The following KLF12 variants were observed in gnomAD, a reference collection of about 807,000 sequenced individuals.
KLF12 encodes the protein KLF transcription factor 12.
A neutral mutation model predicts 37.8 loss-of-function variants in KLF12; 9 were observed. The ratio of observed to expected loss-of-function variants is 0.24; its 90% CI spans 0.14 to 0.42. The LOEUF is 0.42. KLF12 is among the 10% of genes least tolerant of loss of function. KLF12 has a pLI of 1.00. For missense variants in KLF12, 411 were observed against 516.0 expected, an observed-to-expected ratio of 0.80 and a Z score of 1.97; for synonymous variants, 208 against 202.1, an observed-to-expected ratio of 1.03 and a Z score of -0.25.
chr13:74,053,242 T>C (rs1005910533), intron 1 of KLF12, among the ~76,000 whole-genome samples: 4 of 152,212 alleles, frequency 2.6e-5, no homozygotes, highest in African/African-American at 9.7e-5. Context: ...TTGCCATTTA[T>C]GGTGAAAAAC....
intron 4 of KLF12, among the ~76,000 whole-genome samples, chr13:73,836,062 G>A (rs567877300): frequency 6.6e-6 from 1 of 152,034 alleles, no homozygotes; most frequent in Admixed American, 6.6e-5. Context: ...AGGTGAAGCT[G>A]CTTGGTCTTG....
At chr13:73,808,320 G>A (rs1265128274) in intron 5 of KLF12, among the ~76,000 whole-genome samples, 1 of 152,082 alleles carries the variant, frequency 6.6e-6, no homozygotes, top group Non-Finnish European at 1.5e-5. Context: ...CGCAGAGCCC[G>A]ACTGTGGGTC....
intron 1 of KLF12, among the ~76,000 whole-genome samples, chr13:74,048,702 A>T (rs1270603641): frequency 6.6e-6 from 1 of 152,190 alleles, no homozygotes; most frequent in African/African-American, 2.4e-5. Flanking sequence ...AGAAAGGGAA[A>T]CTTAAATGGC....
At chr13:73,893,027 A>AG (rs906902711) in intron 3 of KLF12, among the ~76,000 whole-genome samples, 7 of 139,820 alleles carry the variant, frequency 5.0e-5, no homozygotes, top group Admixed American at 2.1e-4. Context: ...TTTGAAAGAG[A>AG]AAAAAAAAAA....
intron 3 of KLF12, among the ~76,000 whole-genome samples, chr13:73,879,586 G>T (rs1886881814): frequency 6.6e-6 from 1 of 152,152 alleles, no homozygotes; most frequent in South Asian, 2.1e-4. Flanking sequence ...TGAAGACAAG[G>T]GGAGGTATAT....
the KLF12 span, among the ~76,000 whole-genome samples, chr13:74,246,169 C>A: frequency 6.6e-6 from 1 of 152,150 alleles, no homozygotes; most frequent in South Asian, 2.1e-4. Flanking sequence ...AATTTCAGAT[C>A]GGCTTCTGTT....
chr13:74,226,664 AT>A, the KLF12 span, among the ~76,000 whole-genome samples: 1 of 151,748 alleles, frequency 6.6e-6, no homozygotes, highest in Non-Finnish European at 1.5e-5. Context: ...AAAATTGTGA[AT>A]TTTTTTCTCA....
At chr13:73,820,237 T>TC (rs1430524680) in intron 4 of KLF12, among the ~76,000 whole-genome samples, 2 of 152,142 alleles carry the variant, frequency 1.3e-5, no homozygotes, top group East Asian at 3.9e-4. Flanking sequence ...CAACACTAGC[T>TC]TTTTTTCTCC....
chr13:74,203,620 G>A, the KLF12 span, among the ~76,000 whole-genome samples: 1 of 152,118 alleles, frequency 6.6e-6, no homozygotes, highest in Non-Finnish European at 1.5e-5. Flanking sequence ...GCTATGCAAT[G>A]TGAAAATCTG....
intron 1 of KLF12, among the ~76,000 whole-genome samples, chr13:74,056,372 GT>G (rs1186174148): frequency 6.6e-6 from 1 of 152,294 alleles, no homozygotes; most frequent in Admixed American, 6.5e-5. Flanking sequence ...TTCGTTGGTA[GT>G]TTTTTAGGGC....
the KLF12 span, among the ~76,000 whole-genome samples, chr13:74,210,938 G>A: frequency 2.8e-4 from 42 of 150,554 alleles, no homozygotes; most frequent in Middle Eastern, 6.8e-3. Context: ...ACCCAAGTTG[G>A]CCTTGTAACA....
intron 5 of KLF12, among the ~76,000 whole-genome samples, chr13:73,799,271 G>A (rs1030295204): frequency 6.6e-6 from 1 of 152,134 alleles, no homozygotes; most frequent in Non-Finnish European, 1.5e-5. Context: ...TGATGAAAGG[G>A]AGGAGGGAGA....
chr13:74,232,510 A>G, the KLF12 span, among the ~76,000 whole-genome samples: 2 of 152,134 alleles, frequency 1.3e-5, no homozygotes, highest in Non-Finnish European at 2.9e-5. Flanking sequence ...ATCTTTTTCC[A>G]TGCTCTCACA....
intron 2 of KLF12, among the ~76,000 whole-genome samples, chr13:73,979,049 A>C (rs1462466840): frequency 6.6e-6 from 1 of 152,224 alleles, no homozygotes; most frequent in East Asian, 1.9e-4. Context: ...GAGGATTTTC[A>C]TGGCAGTGAA....
chr13:73,709,209 T>C (rs1875179096), intron 7 of KLF12, among the ~76,000 whole-genome samples: 1 of 152,166 alleles, frequency 6.6e-6, no homozygotes, highest in African/African-American at 2.4e-5. Flanking sequence ...TACCTACAAA[T>C]ATGTTTAAGT....
At chr13:73,755,825 G>A (rs1419) in intron 6 of KLF12, among the ~76,000 whole-genome samples, 1 of 151,784 alleles carries the variant, frequency 6.6e-6, no homozygotes, top group South Asian at 2.1e-4. Flanking sequence ...TAGCTTAGCT[G>A]CCACTTATGA....
chr13:74,088,405 T>G (rs1875447602), intron 1 of KLF12, among the ~76,000 whole-genome samples: 1 of 152,068 alleles, frequency 6.6e-6, no homozygotes, highest in East Asian at 1.9e-4. Flanking sequence ...TTTTTATATT[T>G]TTAGTAAAGA....
intron 1 of KLF12, among the ~76,000 whole-genome samples, chr13:74,120,355 G>A (rs1877555122): frequency 6.6e-6 from 1 of 152,102 alleles, no homozygotes; most frequent in Admixed American, 6.5e-5. Context: ...GGTGGCAGGC[G>A]CCTATCAGGA....
chr13:73,818,811 C>T (rs189817103), intron 4 of KLF12, among the ~76,000 whole-genome samples: 5 of 152,322 alleles, frequency 3.3e-5, no homozygotes, highest in East Asian at 3.9e-4. Context: ...CCCAGGCAGG[C>T]GCCACAGGGC....
Sources: gnomAD v4.1 joint callset for allele counts (sites outside exome capture counted in the v4.1 genomes callset) on GRCh38, gnomAD v4.1.1 for gene constraint, MANE v1.5 for transcripts, NCBI Gene and HGNC (gene_info 2026-07-23, HGNC 2026-07-21) for gene names.